UNC13C: variants seen among roughly 807,000 people sequenced by gnomAD.
The protein encoded by UNC13C is unc-13 homolog C, also known as protein unc-13 homolog C.
UNC13C carries 174 observed loss-of-function variants against 245.4 expected under a neutral mutation model. That is an observed-to-expected ratio of 0.71 (90% confidence interval 0.63 to 0.80). UNC13C has a LOEUF of 0.80. UNC13C is among the 30% of genes least tolerant of loss of function. UNC13C has a pLI of 0.00. For synonymous variants in UNC13C, 992 were observed against 895.1 expected (o/e 1.11, Z -1.93); for missense variants, 2,829 against 2,602.9 (o/e 1.09, Z -1.89).
chr15:53,919,021 A>G, the UNC13C span, among the ~76,000 whole-genome samples: 16 of 152,216 alleles, frequency 1.1e-4, no homozygotes, highest in Non-Finnish European at 1.9e-4. Context: ...GAAGCTCTAT[A>G]CTTAATGTGA....
chr15:53,974,679 G>C (rs2140937718), upstream of UNC13C: 1 of 151,922 alleles, frequency 6.6e-6, no homozygotes, highest in East Asian at 1.9e-4. Flanking sequence ...TCACTTAGAT[G>C]CATTTAAATC....
chr15:54,250,677 C>T (rs752855272), intron 8 of UNC13C, among the ~76,000 whole-genome samples: 7 of 151,582 alleles, frequency 4.6e-5, no homozygotes, highest in Non-Finnish European at 8.8e-5. Context: ...AGTGAAATTG[C>T]ACTCTCATCC....
intron 23 of UNC13C, among the ~76,000 whole-genome samples, chr15:54,507,796 A>G (rs1894538475): frequency 6.6e-6 from 1 of 152,030 alleles, no homozygotes; most frequent in Admixed American, 6.6e-5. Context: ...TTCAATCTGT[A>G]ATATTAGGAG....
chr15:53,879,219 T>C, the UNC13C span, among the ~76,000 whole-genome samples: 1 of 152,234 alleles, frequency 6.6e-6, no homozygotes, highest in African/African-American at 2.4e-5. Context: ...TGCAGTGCAA[T>C]AGCACAATCA....
the UNC13C span, among the ~76,000 whole-genome samples, chr15:53,902,973 G>A: frequency 6.6e-6 from 1 of 152,134 alleles, no homozygotes; most frequent in Non-Finnish European, 1.5e-5. Context: ...TGGAATGCTG[G>A]GACATAGTTT....
At chr15:54,570,156 C>G (rs1566915602) in intron 30 of UNC13C, among the ~76,000 whole-genome samples, 1 of 152,146 alleles carries the variant, frequency 6.6e-6, no homozygotes, top group Admixed American at 6.6e-5. Context: ...ACCCTCCTAT[C>G]TGTACATTTC....
At chr15:54,629,294 A>C (rs1901388710), downstream of UNC13C, 1 of 152,104 alleles carries the variant, frequency 6.6e-6, no homozygotes, top group Non-Finnish European at 1.5e-5. Context: ...TGAGGGTAGG[A>C]GGAGGGAAAA....
chr15:53,963,168 T>C, the UNC13C span, among the ~76,000 whole-genome samples: 1 of 152,202 alleles, frequency 6.6e-6, no homozygotes, highest in South Asian at 2.1e-4. Flanking sequence ...AGGCTGAGGT[T>C]TACATTATGG....
rs1896923906 is a variant in UNC13C, at chr15:54,044,044, A to G, written c.2983+28158A>G. Among the ~76,000 whole-genome samples, 4 of 152,186 alleles carry G rather than the reference A, an allele frequency of 2.6e-5. No homozygotes were observed. In the South Asian group the frequency reaches 8.3e-4, roughly 32 times the overall value. On this transcript the variant is annotated intron_variant, in intron 2 of 32. Coordinates refer to ENST00000260323, the MANE Select transcript of UNC13C (RefSeq NM_001080534.3). ...TAATTTTGGAACTTTTGTCACCCCA[A>G]AAAGAAACCCCATGTTTATTGTCGT... is the stretch of plus-strand genomic sequence containing the variant.
intron 1 of UNC13C, among the ~76,000 whole-genome samples, chr15:53,985,297 A>G (rs920120869): frequency 2.0e-5 from 3 of 149,868 alleles, no homozygotes; most frequent in Non-Finnish European, 4.4e-5. Flanking sequence ...TTATGGCTGC[A>G]TAGTATTCCA....
At chr15:54,136,889 A>C (rs1321466272) in intron 2 of UNC13C, among the ~76,000 whole-genome samples, 2 of 151,532 alleles carry the variant, frequency 1.3e-5, no homozygotes, top group East Asian at 3.9e-4. Context: ...TCTGTCACCC[A>C]GGAGTGCAGT....
Position 54,309,190 on chromosome 15 carries a change from T to C in UNC13C, c.4268+8817T>C, listed in dbSNP as rs78397259. On this transcript the variant is annotated intron_variant, in intron 13 of 32. Coordinates refer to ENST00000260323, the MANE Select transcript of UNC13C (RefSeq NM_001080534.3). ...TGTTATCTTTTACCTTTTTTGGTAA[T>C]AGCCATTCCAATAGGAGTGAGGTGA... Among the ~76,000 whole-genome samples the C allele has an allele frequency of 8.4e-3, 1,283 of 151,986 alleles. 24 individuals carry two copies. Among genetic ancestry groups the C allele is most frequent in the African/African-American group, 0.03 (1,242 of 41,536 alleles).
chr15:54,344,462 A>G (rs2038811643), intron 17 of UNC13C, among the ~76,000 whole-genome samples: 1 of 152,220 alleles, frequency 6.6e-6, no homozygotes. Context: ...TTAGGTAGAT[A>G]GATCTTAGAT....
intron 19 of UNC13C, among the ~76,000 whole-genome samples, chr15:54,447,790 C>G (rs1046061051): frequency 6.6e-6 from 1 of 152,080 alleles, no homozygotes; most frequent in Admixed American, 6.6e-5. Flanking sequence ...CTGCTCTGAT[C>G]TTAGTTATTT....
chr15:54,378,543 CA>C (rs1455353859), intron 17 of UNC13C, among the ~76,000 whole-genome samples: 1 of 151,738 alleles, frequency 6.6e-6, no homozygotes, highest in Non-Finnish European at 1.5e-5. Context: ...AGTATTCCCC[CA>C]TTTTGGTAAT....
intron 8 of UNC13C, among the ~76,000 whole-genome samples, chr15:54,257,800 G>T (rs930775796): frequency 1.3e-5 from 2 of 152,196 alleles, no homozygotes; most frequent in Non-Finnish European, 2.9e-5. Flanking sequence ...CTTGAAGACT[G>T]GGGGAGTTGC....
intron 10 of UNC13C, among the ~76,000 whole-genome samples, chr15:54,270,800 C>T (rs1398955646): frequency 6.6e-6 from 1 of 152,044 alleles, no homozygotes; most frequent in African/African-American, 2.4e-5. Flanking sequence ...GTAGTACATT[C>T]GACACTACAA....
Position 54,414,963 on chromosome 15 carries a change from A to G in UNC13C, c.4848-19A>G. ...ATGCTTTTCTTCTTCATACACTAAT[A>G]CAATGTGTTTGGTTTTAGGTTTCCT... On this transcript the variant is annotated intron_variant, in intron 18 of 32. Coordinates refer to ENST00000260323, the MANE Select transcript of UNC13C (RefSeq NM_001080534.3). 1 of 1,602,502 alleles carries G rather than the reference A, an allele frequency of 6.2e-7. No individual in the cohort carries two copies. Among genetic ancestry groups the G allele is most frequent in the South Asian group, 1.1e-5 (1 of 89,798 alleles).
chr15:54,481,006 A>G (rs748602970), intron 19 of UNC13C, among the ~76,000 whole-genome samples: 2 of 152,144 alleles, frequency 1.3e-5, no homozygotes, highest in Non-Finnish European at 2.9e-5. Flanking sequence ...TCTCATGAGG[A>G]CTTGGCTCTC....
Sources: allele counts gnomAD v4.1 joint callset (sites outside exome capture counted in the v4.1 genomes callset), GRCh38; gene constraint gnomAD v4.1.1; transcripts MANE v1.5; gene names NCBI Gene and HGNC (gene_info 2026-07-23, HGNC 2026-07-21).